Variants in PCDHA1 observed in about 807,000 individuals in gnomAD.
PCDHA1 encodes the protein protocadherin alpha 1, also known as protocadherin alpha-1.
Under a neutral mutation model 61.3 loss-of-function variants are expected in PCDHA1, and 42 were observed. The ratio of observed to expected loss-of-function variants is 0.69; its 90% CI spans 0.54 to 0.89. The LOEUF (loss-of-function observed/expected upper bound fraction) is 0.89. PCDHA1 is among the 40% of genes least tolerant of loss of function. The pLI, the probability that PCDHA1 is intolerant of heterozygous loss-of-function variation, is 0.00. For missense variants in PCDHA1, 1,256 were observed against 1,235.3 expected (o/e 1.02, Z -0.25); for synonymous variants, 610 against 553.8 (o/e 1.10, Z -1.43).
chr5:140,929,352 C>T (rs782815841), intron 1 of PCDHA1: 8 of 1,526,758 alleles, frequency 5.2e-6, no homozygotes, highest in Admixed American at 2.1e-5. Flanking sequence ...GAATTTGATT[C>T]CTTTGGCCCG....
Position 140,856,863 on chromosome 5 carries a change from T to C in PCDHA1, c.2394+68179T>C. 4 of 1,595,256 alleles carry C rather than the reference T, an allele frequency of 2.5e-6. 1 individual carries two copies. Among genetic ancestry groups the C allele is most frequent in the Non-Finnish European group, 3.4e-6 (4 of 1,165,176 alleles). ...AACGCTTCTGATTCGGATGAAGGAA[T>C]AAACAAGGAAATGATGTATTCATTT... On this transcript the variant is annotated intron_variant, in intron 1 of 3. Transcript: ENST00000504120.
chr5:140,884,217 T>A (rs782181432), intron 1 of PCDHA1: 4 of 1,613,448 alleles, frequency 2.5e-6, no homozygotes, highest in Non-Finnish European at 3.4e-6. Flanking sequence ...CTTCTGGTGC[T>A]GGTGAAGGAC....
intron 1 of PCDHA1, chr5:140,824,152 A>G (rs184380215): frequency 1.9e-6 from 3 of 1,611,614 alleles, no homozygotes; most frequent in Middle Eastern, 1.7e-4. Context: ...ATTAACATCC[A>G]TCTTTCCCTC....
intron 1 of PCDHA1, chr5:140,857,472 C>A: frequency 6.3e-7 from 1 of 1,598,636 alleles, no homozygotes; most frequent in Non-Finnish European, 8.6e-7. Flanking sequence ...CACATCTTCA[C>A]GGTGTCTGCG....
chr5:140,986,732 C>T (rs1427962629), intron 3 of PCDHA1, among the ~76,000 whole-genome samples: 1 of 152,150 alleles, frequency 6.6e-6, no homozygotes, highest in African/African-American at 2.4e-5. Context: ...CTTCTCAAGA[C>T]CCCAGGGGAT....
rs375103611 is a variant in PCDHA1 at position 140,888,367 on chromosome 5, A to G, written c.2395-90582A>G. ...AGGGAATTGCTACTGGCATCTAATAATGGAGCTCTGAGATGCTGCTAAACA... is the reference window on the plus strand; with the variant it reads ...AGGGAATTGCTACTGGCATCTAATAGTGGAGCTCTGAGATGCTGCTAAACA... On this transcript the variant is annotated intron_variant, in intron 1 of 3. Coordinates refer to ENST00000504120, the MANE Select transcript of PCDHA1 (RefSeq NM_018900.4). 3.2e-4 allele frequency among the ~76,000 whole-genome samples: 49 copies of G among 152,322 alleles called. 1 individual carries two copies. In the East Asian group the frequency reaches 7.7e-3, roughly 24 times the overall value.
At chr5:140,794,996 C>T (rs781865981) in intron 1 of PCDHA1, 8 of 1,613,562 alleles carry the variant, frequency 5.0e-6, no homozygotes, top group African/African-American at 1.3e-5. Flanking sequence ...GGCCGAGGGG[C>T]CTGGACACGG....
At chr5:140,998,943 G>T (rs1366415632) in intron 3 of PCDHA1, among the ~76,000 whole-genome samples, 2 of 152,212 alleles carry the variant, frequency 1.3e-5, no homozygotes, top group African/African-American at 2.4e-5. Flanking sequence ...TGAAGAAACT[G>T]TAAGTCAATG....
intron 1 of PCDHA1, chr5:140,843,829 G>C: frequency 8.5e-7 from 1 of 1,170,244 alleles, no homozygotes; most frequent in Non-Finnish European, 1.2e-6. Context: ...TTTAAACATT[G>C]TTTAGTTTTT....
At chr5:140,971,778 G>C (rs1346530602) in intron 1 of PCDHA1, among the ~76,000 whole-genome samples, 2 of 151,860 alleles carry the variant, frequency 1.3e-5, no homozygotes, top group Non-Finnish European at 2.9e-5. Context: ...TATTATTCAA[G>C]ATTATTCAAT....
rs781828358 is a variant in PCDHA1 at position 140,809,405 on chromosome 5, G to C, written c.2394+20721G>C. 39 of 1,614,088 alleles carry C rather than the reference G, an allele frequency of 2.4e-5. No individual in the cohort carries two copies. The highest frequency in any genetic ancestry group is 3.0e-5 in the Non-Finnish European group (35 of 1,180,022). ...GTGCGCTCCGGGCAAGCCCACGCTG[G>C]TGTGCTCCAGTGCGGTGGGGAGCTG... is the stretch of plus-strand genomic sequence containing the variant. On this transcript the variant is annotated intron_variant, in intron 1 of 3. Transcript: ENST00000504120.
At position 141,000,188 on chromosome 5, in the gene PCDHA1, A is replaced by G. The variant is rs182049578; in HGVS notation, c.2543-9439A>G. 8.6e-3 allele frequency among the ~76,000 whole-genome samples: 1,302 copies of G among 151,928 alleles called. 5 individuals carry two copies. Among genetic ancestry groups the G allele is most frequent in the Middle Eastern group, 0.017 (5 of 294 alleles). ...ATTATTGAGCCAAGGAGTCAATGTG[A>G]GAATAGTTTTTCACCTTCATTATCA... is the stretch of plus-strand genomic sequence containing the variant. On this transcript the variant is annotated intron_variant, in intron 3 of 3. Coordinates refer to ENST00000504120, the MANE Select transcript of PCDHA1 (RefSeq NM_018900.4).
chr5:140,799,431 T>A (rs1554120936), intron 1 of PCDHA1, among the ~76,000 whole-genome samples: 1 of 152,114 alleles, frequency 6.6e-6, no homozygotes, highest in East Asian at 1.9e-4. Flanking sequence ...CTACCATCTT[T>A]AAAAATTCAG....
chr5:140,842,246 G>C (rs1289361551), intron 1 of PCDHA1: 13 of 1,611,852 alleles, frequency 8.1e-6, no homozygotes, highest in Non-Finnish European at 1.1e-5. Flanking sequence ...GGGTAATTTG[G>C]ATTTTGAACA....
At chr5:140,983,583 CT>C (rs2153831802) in intron 3 of PCDHA1, among the ~76,000 whole-genome samples, 1 of 152,306 alleles carries the variant, frequency 6.6e-6, no homozygotes, top group African/African-American at 2.4e-5. Context: ...TTTATTACAT[CT>C]ATTCTACATA....
chr5:140,831,138 T>G (rs1208993526), intron 1 of PCDHA1: 1 of 152,186 alleles, frequency 6.6e-6, no homozygotes, highest in Admixed American at 6.6e-5. Flanking sequence ...GGTTATTGAT[T>G]TATTTACTAC....
chr5:140,978,188 C>A (rs1480380395), intron 1 of PCDHA1, among the ~76,000 whole-genome samples: 2 of 152,176 alleles, frequency 1.3e-5, no homozygotes, highest in Non-Finnish European at 2.9e-5. Context: ...GGCAACAGAT[C>A]TTTTCAATAC....
chr5:140,839,670 T>C (rs1776356207), intron 1 of PCDHA1, among the ~76,000 whole-genome samples: 1 of 152,026 alleles, frequency 6.6e-6, no homozygotes, highest in Non-Finnish European at 1.5e-5. Flanking sequence ...CTATTTAGAG[T>C]CAACTACAGA....
rs782306537 is a variant in PCDHA1, at chr5:140,802,329, G to A, written c.2394+13645G>A. On this transcript the variant is annotated intron_variant, in intron 1 of 3. Transcript: ENST00000504120. ...CGCTCTGATCAGCGTGTCCGACCGC[G>A]ACTCAGGAGTCAATGGACAGGTCAC... 1.2e-5 allele frequency: 20 copies of A among 1,614,106 alleles called. No individual in the cohort carries two copies. The Admixed American group carries it at 3.2e-4, about 26-fold the overall frequency.
Sources: gnomAD v4.1 joint callset for allele counts (sites outside exome capture counted in the v4.1 genomes callset) on GRCh38, gnomAD v4.1.1 for gene constraint, MANE v1.5 for transcripts, NCBI Gene and HGNC (gene_info 2026-07-23, HGNC 2026-07-21) for gene names.